MTMR3: variants seen among roughly 807,000 people sequenced by gnomAD.
MTMR3 encodes the protein phosphatidylinositol-3,5-bisphosphate 3-phosphatase MTMR3.
A neutral mutation model predicts 132.4 loss-of-function variants in MTMR3; 32 were observed. The observed-to-expected ratio is 0.24, with a 90% confidence interval of 0.18 to 0.32. MTMR3 has a LOEUF of 0.32. Among genes scored for constraint, MTMR3 ranks in the 10% least tolerant of loss-of-function variants. The pLI, the probability that MTMR3 is intolerant of heterozygous loss-of-function variation, is 1.00. For missense variants in MTMR3, 1,216 were observed against 1,489.6 expected, an observed-to-expected ratio of 0.82 and a Z score of 3.02; for synonymous variants, 556 against 550.3, an observed-to-expected ratio of 1.01 and a Z score of -0.14.
At chr22:29,942,934 C>T (rs2065885392) in intron 1 of MTMR3, among the ~76,000 whole-genome samples, 1 of 152,032 alleles carries the variant, frequency 6.6e-6, no homozygotes, top group African/African-American at 2.4e-5. Flanking sequence ...ACGAAGATGA[C>T]AGGATTAAAA....
intron 7 of MTMR3, chr22:29,992,926 G>A (rs920089291): frequency 6.6e-6 from 1 of 152,212 alleles, no homozygotes; most frequent in African/African-American, 2.4e-5. Flanking sequence ...AGGCAAGATA[G>A]GTTGGTGTCT....
At chr22:29,953,097 C>G (rs536605473) in intron 1 of MTMR3, among the ~76,000 whole-genome samples, 3 of 152,100 alleles carry the variant, frequency 2.0e-5, no homozygotes, top group African/African-American at 7.2e-5. Flanking sequence ...ATTTTAACAG[C>G]GAAAGTGAAA....
chr22:29,919,512 T>A (rs1175914661), intron 1 of MTMR3, among the ~76,000 whole-genome samples: 4 of 152,212 alleles, frequency 2.6e-5, no homozygotes, highest in Admixed American at 6.5e-5. Context: ...TTTGGACTGT[T>A]AATTTATATT....
chr22:29,938,468 T>C (rs890208591), intron 1 of MTMR3, among the ~76,000 whole-genome samples: 3 of 152,328 alleles, frequency 2.0e-5, no homozygotes, highest in Admixed American at 2.0e-4. Flanking sequence ...TTTGGGGACT[T>C]CCCCCAGCCC....
rs1047891063 is a variant in MTMR3 at position 30,030,555 on chromosome 22, C to G, written c.*4754C>G. 6.9e-6 allele frequency: 1 copy of G among 144,316 alleles called. No individual in the cohort carries two copies. The highest frequency in any genetic ancestry group is 1.5e-5 in the Non-Finnish European group (1 of 67,338). The allele number at this position is 144,316 out of a possible 1,614,324, so 8.9% of individuals were successfully genotyped here. ...TGGGTTGTCACTGTGGTTCTCCTGC[C>G]AGTGCTATAATCCAGTGTCGTAGGT... On this transcript the variant is annotated 3_prime_UTR_variant, in exon 20 of 20. Coordinates refer to ENST00000401950, the MANE Select transcript of MTMR3 (RefSeq NM_021090.4).
chr22:29,947,604 C>T lies in MTMR3; in HGVS notation c.-137-9432C>T, dbSNP rs575623464. ...CAAGGTTTGGTCTGTCTGAATTTTT[C>T]TGAGTCATTGATTTAAATGCAGTTA... On this transcript the variant is annotated intron_variant, in intron 1 of 19. Transcript: ENST00000401950. Among the ~76,000 whole-genome samples, 184 of 151,766 alleles carry T rather than the reference C, an allele frequency of 1.2e-3. 3 individuals carry two copies. In the Middle Eastern group the frequency reaches 0.02, roughly 17 times the overall value.
At chr22:29,913,468 T>C (rs1194809842) in intron 1 of MTMR3, among the ~76,000 whole-genome samples, 1 of 152,242 alleles carries the variant, frequency 6.6e-6, no homozygotes, top group Admixed American at 6.5e-5. Flanking sequence ...TACCTTTGAC[T>C]CTTTTTGCTG....
intron 1 of MTMR3, among the ~76,000 whole-genome samples, chr22:29,889,539 C>T (rs2064751116): frequency 1.3e-5 from 2 of 151,768 alleles, no homozygotes; most frequent in South Asian, 2.1e-4. Context: ...CGCCTGCCTT[C>T]GCCTCCCAAA....
intron 1 of MTMR3, among the ~76,000 whole-genome samples, chr22:29,896,787 A>C (rs2145716834): frequency 1.3e-5 from 2 of 152,156 alleles, no homozygotes; most frequent in East Asian, 3.9e-4. Context: ...ACAGTGCAAA[A>C]ACTGCAATTA....
intron 7 of MTMR3, chr22:29,992,726 C>A (rs2066989433): frequency 6.6e-6 from 1 of 152,090 alleles, no homozygotes; most frequent in Non-Finnish European, 1.5e-5. Flanking sequence ...TATAAGTCTG[C>A]CCTGGGTCAT....
intron 1 of MTMR3, among the ~76,000 whole-genome samples, chr22:29,893,159 A>G (rs2064830490): frequency 6.6e-6 from 1 of 152,258 alleles, no homozygotes; most frequent in African/African-American, 2.4e-5. Flanking sequence ...AAGTTATAGC[A>G]TTGTAAAACC....
intron 2 of MTMR3, among the ~76,000 whole-genome samples, chr22:29,963,598 G>C (rs932573506): frequency 2.0e-5 from 3 of 151,638 alleles, no homozygotes; most frequent in African/African-American, 7.3e-5. Context: ...CCGTTGGCCG[G>C]GATGGTCTCG....
At chr22:30,023,533 T>TTC in intron 19 of MTMR3, 1 of 1,601,696 alleles carries the variant, frequency 6.2e-7, no homozygotes, top group South Asian at 1.1e-5. Flanking sequence ...CTACAATAAC[T>TTC]TCTCCACACT....
intron 3 of MTMR3, among the ~76,000 whole-genome samples, chr22:29,976,042 A>C (rs2066622796): frequency 6.6e-6 from 1 of 151,824 alleles, no homozygotes; most frequent in Non-Finnish European, 1.5e-5. Flanking sequence ...ATTTTGTAAC[A>C]TGCATTGGTC....
At chr22:29,885,202 TG>T (rs1221704224) in intron 1 of MTMR3, among the ~76,000 whole-genome samples, 1 of 152,184 alleles carries the variant, frequency 6.6e-6, no homozygotes, top group Admixed American at 6.5e-5. Flanking sequence ...GGATAGAGCC[TG>T]GGGATCTGTC....
At chr22:29,918,856 T>C (rs1371421921) in intron 1 of MTMR3, among the ~76,000 whole-genome samples, 1 of 152,206 alleles carries the variant, frequency 6.6e-6, no homozygotes, top group Non-Finnish European at 1.5e-5. Context: ...TATTTGCCTT[T>C]AAGAATACAA....
In MTMR3 at chr22:29,976,072, C is replaced by T. The variant is rs927522895; in HGVS notation, c.4-2370C>T. ...TTGGTCATTAGGAAAATAATGGGTT[C>T]GTTGATTGAGGCAGATCTTCAAAAG... On this transcript the variant is annotated intron_variant, in intron 3 of 19. Transcript: ENST00000401950. Among the ~76,000 whole-genome samples, 17 of 149,504 alleles carry T rather than the reference C, an allele frequency of 1.1e-4. 1 individual carries two copies. Among genetic ancestry groups the T allele is most frequent in the Middle Eastern group, 3.2e-3 (1 of 308 alleles).
chr22:29,898,016 C>T (rs546724729), intron 1 of MTMR3, among the ~76,000 whole-genome samples: 1 of 152,016 alleles, frequency 6.6e-6, no homozygotes, highest in Non-Finnish European at 1.5e-5. Context: ...TGCTCTGTCA[C>T]CCAGGCTGTA....
At chr22:29,989,615 A>G (rs1332492129) in intron 6 of MTMR3, 1 of 151,978 alleles carries the variant, frequency 6.6e-6, no homozygotes, top group Non-Finnish European at 1.5e-5. Flanking sequence ...AATACTTCTC[A>G]TGTTGTGTTT....
Sources: gnomAD v4.1 joint callset for allele counts (sites outside exome capture counted in the v4.1 genomes callset) on GRCh38, gnomAD v4.1.1 for gene constraint, MANE v1.5 for transcripts, NCBI Gene and HGNC (gene_info 2026-07-23, HGNC 2026-07-21) for gene names.